HRH2: variants seen among roughly 807,000 people sequenced by gnomAD.
HRH2 encodes histamine H2 receptor.
HRH2 carries 4 observed loss-of-function variants against 20.1 expected under a neutral mutation model. The ratio of observed to expected loss-of-function variants is 0.20; its 90% CI spans 0.10 to 0.45. HRH2 has a LOEUF of 0.45. Among genes scored for constraint, HRH2 ranks in the 20% least tolerant of loss-of-function variants. HRH2 has a pLI of 0.99. For synonymous variants in HRH2, 197 were observed against 200.7 expected, an observed-to-expected ratio of 0.98 and a Z score of 0.16; for missense variants, 250 against 461.6, an observed-to-expected ratio of 0.54 and a Z score of 4.20.
At chr5:175,667,524 A>G (rs1762940169) in intron 1 of HRH2, among the ~76,000 whole-genome samples, 1 of 149,968 alleles carries the variant, frequency 6.7e-6, no homozygotes, top group Non-Finnish European at 1.5e-5. Context: ...CGACCACCCA[A>G]AGAAAACCAC....
Position 175,686,658 on chromosome 5 carries a change from G to C in HRH2, c.1076+2349G>C, listed in dbSNP as rs1756184116. ...TGGGCCCGGGAGCCCATCCCGGAGAGGAGACCTCTGAGCTTTTAAATGCAA... is the reference window on the plus strand; with the variant it reads ...TGGGCCCGGGAGCCCATCCCGGAGACGAGACCTCTGAGCTTTTAAATGCAA... On this transcript the variant is annotated intron_variant, in intron 2 of 2. Transcript: ENST00000636584. This position sits in a 1 kb window ranked among gnomAD's most constrained non-coding sequence, Gnocchi z 4.7. Among the ~76,000 whole-genome samples the C allele has an allele frequency of 6.6e-6, 1 of 152,352 alleles. No homozygotes were observed.
At chr5:175,667,588 C>G (rs184786400) in intron 1 of HRH2, among the ~76,000 whole-genome samples, 15 of 152,252 alleles carry the variant, frequency 9.9e-5, no homozygotes, top group Middle Eastern at 3.4e-3. Context: ...GCTGTCCCCC[C>G]ACATCCCCTG....
At chr5:175,676,329 G>T (rs776197881) in intron 1 of HRH2, among the ~76,000 whole-genome samples, 2 of 152,252 alleles carry the variant, frequency 1.3e-5, no homozygotes, top group Non-Finnish European at 2.9e-5. Flanking sequence ...ACGCCCGCAC[G>T]TGCACACACA....
At chr5:175,662,042 T>TAAA (rs1762753116) in intron 1 of HRH2, among the ~76,000 whole-genome samples, 1 of 151,128 alleles carries the variant, frequency 6.6e-6, no homozygotes, top group Non-Finnish European at 1.5e-5. Context: ...AATAAATAAA[T>TAAA]AAATAAAAGC....
At chr5:175,669,643 C>G (rs938988428) in intron 1 of HRH2, among the ~76,000 whole-genome samples, 2 of 152,212 alleles carry the variant, frequency 1.3e-5, no homozygotes, top group Admixed American at 6.5e-5. Context: ...GGATTACAGA[C>G]GTGGGCCACG....
At chr5:175,678,263 C>T (rs1337457385) in intron 1 of HRH2, among the ~76,000 whole-genome samples, 1 of 152,200 alleles carries the variant, frequency 6.6e-6, no homozygotes, top group Non-Finnish European at 1.5e-5. Flanking sequence ...GGAAGCTGCT[C>T]GGTATGTGTC....
At chr5:175,707,458 A>G (rs1173419486) in intron 2 of HRH2, among the ~76,000 whole-genome samples, 1 of 152,158 alleles carries the variant, frequency 6.6e-6, no homozygotes, top group Non-Finnish European at 1.5e-5. Context: ...AACAAAACAA[A>G]AATCGTGAAT....
At chr5:175,689,545 C>A (rs1756290190) in intron 2 of HRH2, among the ~76,000 whole-genome samples, 1 of 152,194 alleles carries the variant, frequency 6.6e-6, no homozygotes, top group Non-Finnish European at 1.5e-5. Flanking sequence ...AACCCACCCC[C>A]ACTGTAGAGA....
At chr5:175,671,984 A>AG (rs1755560582) in intron 1 of HRH2, among the ~76,000 whole-genome samples, 1 of 152,144 alleles carries the variant, frequency 6.6e-6, no homozygotes, top group African/African-American at 2.4e-5. Context: ...GTTCCTGAAC[A>AG]TGAGGAGCAC....
At chr5:175,669,403 G>A (rs1230089275) in intron 1 of HRH2, among the ~76,000 whole-genome samples, 6 of 136,044 alleles carry the variant, frequency 4.4e-5, no homozygotes, top group African/African-American at 1.4e-4. Context: ...TCACTCTGTC[G>A]CCCAGGCTGG....
At chr5:175,682,203 G>A (rs1377715795) in intron 1 of HRH2, among the ~76,000 whole-genome samples, 1 of 152,206 alleles carries the variant, frequency 6.6e-6, no homozygotes, top group Non-Finnish European at 1.5e-5. Flanking sequence ...ACCCTTTTCT[G>A]AAAAAGTTTG....
chr5:175,683,213 A>T lies in HRH2; in HGVS notation c.-21A>T. 6.2e-7 allele frequency: 1 copy of T among 1,602,698 alleles called. No individual in the cohort carries two copies. The highest frequency in any genetic ancestry group is 1.1e-5 in the South Asian group (1 of 89,978). On this transcript the variant is annotated 5_prime_UTR_variant, in exon 2 of 3. Coordinates refer to ENST00000636584, the MANE Select transcript of HRH2 (RefSeq NM_001367711.1). ...AGCAACCAGGGGCCCTGATCAGGGG[A>T]CTGAGCCGTAGAGTCCCAGGATGGC... is the stretch of plus-strand genomic sequence containing the variant.
Position 175,702,621 on chromosome 5 carries a change from G to A in HRH2, c.1077-5158G>A, listed in dbSNP as rs187298634. Among the ~76,000 whole-genome samples, 468 of 139,344 alleles carry A rather than the reference G, an allele frequency of 3.4e-3. 1 individual carries two copies. Among genetic ancestry groups the A allele is most frequent in the Non-Finnish European group, 5.1e-3 (338 of 66,362 alleles). The allele number at this position is 139,344 out of a possible 152,430, so 91.4% of individuals were successfully genotyped here. On this transcript the variant is annotated intron_variant, in intron 2 of 2. Transcript: ENST00000636584. Reference sequence around the variant, plus strand: ...GGCTGGAGTGCAGTGACGCGATCTCGGCTCACTGAAAGCTCCGCCTCCCAA... The same window carrying A: ...GGCTGGAGTGCAGTGACGCGATCTCAGCTCACTGAAAGCTCCGCCTCCCAA...
rs181779354 is a variant in HRH2, at chr5:175,668,529, T to C, written c.-526+10374T>C. On this transcript the variant is annotated intron_variant, in intron 1 of 2. Transcript: ENST00000636584. ...AGCCCCATTTTACAAGTAAGGGAAA[T>C]TGAGGCTCAAAGCAAAGTCATCTGG... is the stretch of plus-strand genomic sequence containing the variant. Among the ~76,000 whole-genome samples, 5 of 152,184 alleles carry C rather than the reference T, an allele frequency of 3.3e-5. No individual in the cohort carries two copies. The East Asian group carries it at 9.7e-4, about 29-fold the overall frequency.
At chr5:175,658,900 T>C (rs1361831832) in intron 1 of HRH2, among the ~76,000 whole-genome samples, 1 of 152,060 alleles carries the variant, frequency 6.6e-6, no homozygotes, top group Non-Finnish European at 1.5e-5. Context: ...GCCATGCTAA[T>C]CCCCCACCCC....
intron 1 of HRH2, among the ~76,000 whole-genome samples, chr5:175,675,806 T>C (rs1218459516): frequency 6.6e-6 from 1 of 152,142 alleles, no homozygotes; most frequent in Non-Finnish European, 1.5e-5. Flanking sequence ...TCTACATCTA[T>C]TAGGTTTTGA....
chr5:175,689,022 A>T (rs996248267), intron 2 of HRH2, among the ~76,000 whole-genome samples: 1 of 152,074 alleles, frequency 6.6e-6, no homozygotes, highest in African/African-American at 2.4e-5. Flanking sequence ...TGATGCCTGG[A>T]GGGCTCCAGT....
chr5:175,672,026 T>G (rs1755563577), intron 1 of HRH2, among the ~76,000 whole-genome samples: 1 of 152,118 alleles, frequency 6.6e-6, no homozygotes, highest in South Asian at 2.1e-4. Flanking sequence ...GCTCTCCTAT[T>G]TTACTATGGA....
At chr5:175,695,449 A>G (rs925851357) in intron 2 of HRH2, among the ~76,000 whole-genome samples, 1 of 152,180 alleles carries the variant, frequency 6.6e-6, no homozygotes, top group African/African-American at 2.4e-5. Flanking sequence ...TAGGTAGGAG[A>G]AAACCCTTCC....
Sources: allele counts gnomAD v4.1 joint callset (sites outside exome capture counted in the v4.1 genomes callset), GRCh38; gene constraint gnomAD v4.1.1; non-coding constraint Gnocchi (gnomAD v3.1); transcripts MANE v1.5; gene names NCBI Gene and HGNC (gene_info 2026-07-23, HGNC 2026-07-21).